MPDZ: variants seen among roughly 807,000 people sequenced by gnomAD.
MPDZ encodes the protein multiple PDZ domain protein.
In MPDZ, 234 loss-of-function variants were observed where a neutral mutation model predicts 239.1. The observed-to-expected ratio is 0.98, with a 90% CI of 0.88 to 1.09. The LOEUF is 1.09. Among genes scored for constraint, MPDZ ranks in the 50% least tolerant of loss-of-function variants. The pLI, the probability that MPDZ is intolerant of heterozygous loss-of-function variation, is 0.00. For missense variants in MPDZ, 3,175 were observed against 2,510.0 expected (o/e 1.26, Z -5.66); for synonymous variants, 1,048 against 881.3 (o/e 1.19, Z -3.35).
At chr9:13,251,093 C>G (rs1228111078) in intron 1 of MPDZ, among the ~76,000 whole-genome samples, 1 of 130,126 alleles carries the variant, frequency 7.7e-6, no homozygotes, top group Non-Finnish European at 1.5e-5. Context: ...CATGCCACCG[C>G]ACTCCAGCCT....
chr9:13,162,624 CT>C, intron 23 of MPDZ, 66 bp downstream of exon 23: 1 of 1,033,926 alleles, frequency 9.7e-7, no homozygotes, highest in South Asian at 1.8e-5. Context: ...TCCTCCCTGA[CT>C]CTGAATTCCA....
chr9:13,250,950 G>T (rs894666291), intron 1 of MPDZ, among the ~76,000 whole-genome samples: 2 of 151,708 alleles, frequency 1.3e-5, no homozygotes, highest in East Asian at 3.9e-4. Flanking sequence ...CCAACATGGT[G>T]AAACCCCGTC....
chr9:13,193,411 T>C (rs1273479851), intron 13 of MPDZ, 98 bp from the exon 14 acceptor site: 4 of 1,316,956 alleles, frequency 3.0e-6, no homozygotes, highest in African/African-American at 1.5e-5. Context: ...AAAGTGGTCA[T>C]CTTTCTCACA....
At chr9:13,197,625 ATCT>A (rs1397713143) in intron 12 of MPDZ, among the ~76,000 whole-genome samples, 1 of 152,006 alleles carries the variant, frequency 6.6e-6, no homozygotes, top group East Asian at 1.9e-4. Context: ...AACATTCCAA[ATCT>A]TCTTCCTATT....
chr9:13,179,583 G>A (rs1226782814), intron 19 of MPDZ, among the ~76,000 whole-genome samples: 2 of 152,006 alleles, frequency 1.3e-5, no homozygotes, highest in East Asian at 3.9e-4. Context: ...AAGTCTTGTG[G>A]ATCTAAAAGA....
At chr9:13,214,055 A>G (rs1399458511) in intron 10 of MPDZ, among the ~76,000 whole-genome samples, 1 of 152,030 alleles carries the variant, frequency 6.6e-6, no homozygotes. Flanking sequence ...AAGATTCAGC[A>G]ATTCCACTCC....
intron 3 of MPDZ, among the ~76,000 whole-genome samples, chr9:13,242,659 C>CTTAA (rs1028206294): frequency 6.6e-5 from 10 of 151,174 alleles, no homozygotes; most frequent in South Asian, 4.2e-4. Context: ...ACAAATAAAA[C>CTTAA]ATCTTACTTA....
chr9:13,242,886 T>C (rs1035084437), intron 3 of MPDZ, among the ~76,000 whole-genome samples: 2 of 152,188 alleles, frequency 1.3e-5, no homozygotes. Context: ...ACCCATTACC[T>C]GTCAGTAGCA....
intron 2 of MPDZ, 102 bp from the exon 3 acceptor site, chr9:13,247,903 G>A (rs1466328619): frequency 7.1e-6 from 8 of 1,128,442 alleles, no homozygotes; most frequent in Non-Finnish European, 9.9e-6. Context: ...TTTCTATTGA[G>A]TGCATAAAAT....
chr9:13,212,513 C>T (rs565003961), intron 10 of MPDZ, among the ~76,000 whole-genome samples: 1 of 151,868 alleles, frequency 6.6e-6, no homozygotes, highest in African/African-American at 2.4e-5. Context: ...ACCCATGCTA[C>T]ATATGAGCCA....
Position 13,250,368 on chromosome 9 carries a change from G to A in MPDZ, c.-53C>T. On this transcript the variant is annotated 5_prime_UTR_variant, in exon 2 of 47. Transcript: ENST00000319217. Reference sequence around the variant, plus strand: ...GAAATGATTAACAGCAATTAAAATGGAACTCTGTGCAAAAAAGAAATAGAA... The same window carrying A: ...GAAATGATTAACAGCAATTAAAATGAAACTCTGTGCAAAAAAGAAATAGAA... 1 of 1,493,042 alleles carries A rather than the reference G, an allele frequency of 6.7e-7. No individual in the cohort carries two copies. Among genetic ancestry groups the A allele is most frequent in the Non-Finnish European group, 9.2e-7 (1 of 1,091,774 alleles). 92.5% of individuals were successfully genotyped at this position (1,493,042 alleles called of 1,614,324 possible). A position where few individuals can be genotyped will look rare whatever the true frequency, so the allele number is the denominator to read the frequency against.
At chr9:13,230,446 A>AT (rs1326295987) in intron 3 of MPDZ, among the ~76,000 whole-genome samples, 1 of 152,142 alleles carries the variant, frequency 6.6e-6, no homozygotes, top group Non-Finnish European at 1.5e-5. Context: ...TGAAAAATAA[A>AT]AGAAGAAAAA....
Position 13,279,658 on chromosome 9 carries a change from G to T in MPDZ, c.-316C>A, listed in dbSNP as rs1432580649. 1 of 150,304 alleles carries T rather than the reference G, an allele frequency of 6.7e-6. No individual in the cohort carries two copies. The highest frequency in any genetic ancestry group is 2.0e-4 in the East Asian group (1 of 5,096). 9.3% of individuals were successfully genotyped at this position (150,304 alleles called of 1,614,324 possible). ...AGCGCGCGCCGCACTTGCGCCGACC[G>T]GGGCTGCCGCGGAGGCGGTGGCGGG... On this transcript the variant is annotated 5_prime_UTR_variant, in exon 1 of 47. Coordinates refer to ENST00000319217, the MANE Select transcript of MPDZ (RefSeq NM_001378778.1).
At chr9:13,195,124 CA>C (rs1271995700) in intron 13 of MPDZ, among the ~76,000 whole-genome samples, 1 of 151,838 alleles carries the variant, frequency 6.6e-6, no homozygotes, top group Non-Finnish European at 1.5e-5. Context: ...CCAGTCTCTA[CA>C]AAAAATACAA....
intron 25 of MPDZ, among the ~76,000 whole-genome samples, chr9:13,147,859 C>T (rs2132864882): frequency 6.6e-6 from 1 of 152,190 alleles, no homozygotes; most frequent in South Asian, 2.1e-4. Context: ...ACACATATCT[C>T]TGTCTCCAAT....
In MPDZ at chr9:13,219,665, T is replaced by C. The variant is rs1958828106; in HGVS notation, c.980A>G (p.Asn327Ser). 1 of 1,612,616 alleles carries C rather than the reference T, an allele frequency of 6.2e-7. No individual in the cohort carries two copies. Among genetic ancestry groups the C allele is most frequent in the Admixed American group, 1.7e-5 (1 of 59,772 alleles). ...TCTTGCAATCATCAACTTAACTCTA[T>C]TTCCACATTGCCTAAGGACTTGTGC... ...QVAQVLRQCGNRVKLMIARGA... is the reference protein window; with the variant it reads ...QVAQVLRQCGSRVKLMIARGA... Residue 327 changes from asparagine (N) to serine (S), a missense_variant, in exon 8 of 47, where the codon AAT (asparagine) becomes AGT (serine). By Grantham distance (46) the Asn-to-Ser change is conservative (BLOSUM62 1). Coordinates refer to ENST00000319217, the MANE Select transcript of MPDZ (RefSeq NM_001378778.1).
chr9:13,235,874 T>C (rs976102851), intron 3 of MPDZ, among the ~76,000 whole-genome samples: 13 of 152,066 alleles, frequency 8.5e-5, no homozygotes, highest in African/African-American at 3.1e-4. Context: ...ATAAAGAGTA[T>C]GTAAGACTCT....
At chr9:13,255,898 C>A (rs575507439) in intron 1 of MPDZ, among the ~76,000 whole-genome samples, 1 of 152,182 alleles carries the variant, frequency 6.6e-6, no homozygotes, top group Non-Finnish European at 1.5e-5. Context: ...AATGAGAGAG[C>A]CTCTTTAAAG....
At chr9:13,230,582 T>C (rs1335943052) in intron 3 of MPDZ, among the ~76,000 whole-genome samples, 1 of 152,052 alleles carries the variant, frequency 6.6e-6, no homozygotes, top group Non-Finnish European at 1.5e-5. Flanking sequence ...ATTATAGAGA[T>C]GGAAAATGAA....
Sources: allele counts gnomAD v4.1 joint callset (sites outside exome capture counted in the v4.1 genomes callset), GRCh38; gene constraint gnomAD v4.1.1; transcripts MANE v1.5; gene names NCBI Gene and HGNC (gene_info 2026-07-23, HGNC 2026-07-21).